AFAP1: variants seen among roughly 807,000 people sequenced by gnomAD.
AFAP1 encodes actin filament-associated protein 1.
AFAP1 carries 75 observed loss-of-function variants against 93.9 expected under a neutral mutation model. The ratio of observed to expected loss-of-function variants is 0.80; its 90% CI spans 0.66 to 0.97. The LOEUF is 0.97. Ranked by LOEUF, AFAP1 falls within the 50% of genes least tolerant of loss-of-function variation. AFAP1 has a pLI of 0.00. For synonymous variants in AFAP1, 517 were observed against 430.7 expected (o/e 1.20, Z -2.48); for missense variants, 1,201 against 1,050.8 (o/e 1.14, Z -1.98).
chr4:7,777,914 GACATCCA>G (rs1716314916), intron 14 of AFAP1: 1 of 152,218 alleles, frequency 6.6e-6, no homozygotes, highest in Admixed American at 6.5e-5. Flanking sequence ...TCCCTGATTA[GACATCCA>G]ACATAATGAG....
intron 6 of AFAP1, among the ~76,000 whole-genome samples, chr4:7,831,579 C>G: frequency 6.6e-6 from 1 of 152,168 alleles, no homozygotes; most frequent in Non-Finnish European, 1.5e-5. Flanking sequence ...TGTTTGTCAG[C>G]GCACTGTCGG....
At chr4:7,797,442 T>G (rs533822267) in intron 10 of AFAP1, among the ~76,000 whole-genome samples, 10 of 152,184 alleles carry the variant, frequency 6.6e-5, no homozygotes, top group Non-Finnish European at 1.0e-4. Context: ...GGCCTCCTGA[T>G]GTAACGCAGC....
Position 7,759,554 on chromosome 4 carries a change from G to T in AFAP1, c.*4211C>A, listed in dbSNP as rs1713487498. 6.6e-6 allele frequency: 1 copy of T among 152,388 alleles called. No homozygotes were observed. The highest frequency in any genetic ancestry group is 2.4e-5 in the African/African-American group (1 of 41,440). 9.4% of individuals were successfully genotyped at this position (152,388 alleles called of 1,614,324 possible). A position where few individuals can be genotyped will look rare whatever the true frequency, so the allele number is the denominator to read the frequency against. ...ACCCAGCCCACCAAGGGGATAAGAAGACAGTGACAACCAGGAAAAAATGAA... is the reference window on the plus strand; with the variant it reads ...ACCCAGCCCACCAAGGGGATAAGAATACAGTGACAACCAGGAAAAAATGAA... On this transcript the variant is annotated 3_prime_UTR_variant, in exon 18 of 18. Coordinates refer to ENST00000420658, the MANE Select transcript of AFAP1 (RefSeq NM_001134647.2).
chr4:7,832,111 G>A (rs1711699140), intron 6 of AFAP1, among the ~76,000 whole-genome samples: 1 of 152,176 alleles, frequency 6.6e-6, no homozygotes, highest in Non-Finnish European at 1.5e-5. Context: ...AATGATGGCA[G>A]AGAAGTCCCT....
rs1455658511 is a variant in AFAP1 at position 7,894,510 on chromosome 4, C to T, written c.-2-22430G>A. ...CATGTCAAGACAAGCCTGGTGACGG[C>T]GGCAACCCCGGGACTCTGTTAGCTA... On this transcript the variant is annotated intron_variant, in intron 1 of 17. Coordinates refer to ENST00000420658, the MANE Select transcript of AFAP1 (RefSeq NM_001134647.2). 2.6e-5 allele frequency among the ~76,000 whole-genome samples: 4 copies of T among 152,142 alleles called. No individual in the cohort carries two copies. In the East Asian group the frequency reaches 5.8e-4, roughly 22 times the overall value.
intron 11 of AFAP1, among the ~76,000 whole-genome samples, chr4:7,787,469 A>G (rs1423928501): frequency 6.6e-6 from 1 of 152,204 alleles, no homozygotes; most frequent in Non-Finnish European, 1.5e-5. Context: ...GATATCCTGG[A>G]CCTGTGACTG....
In AFAP1 at chr4:7,838,593, A is replaced by C; in HGVS notation, c.657T>G (p.Ile219Met). 6.2e-7 allele frequency: 1 copy of C among 1,614,154 alleles called. No individual in the cohort carries two copies. Among genetic ancestry groups the C allele is most frequent in the Non-Finnish European group, 8.5e-7 (1 of 1,180,042 alleles). Residue 219 changes from isoleucine (I) to methionine (M), a missense_variant, in exon 6 of 18, where the codon ATT (isoleucine) becomes ATG (methionine). By Grantham distance (10) the Ile-to-Met change is conservative. Coordinates refer to ENST00000420658, the MANE Select transcript of AFAP1 (RefSeq NM_001134647.2). ...DSKKKKHELKITQQGTDPLVL... is the reference protein window; with the variant it reads ...DSKKKKHELKMTQQGTDPLVL... ...CAAGCGGGTCCGTGCCCTGCTGAGT[A>C]ATCTTCAGCTCGTGCTTCTTCTTTT...
chr4:7,905,864 C>T (rs550617056), intron 1 of AFAP1, among the ~76,000 whole-genome samples: 2 of 152,256 alleles, frequency 1.3e-5, no homozygotes, highest in South Asian at 4.1e-4. Flanking sequence ...TAACATTTAC[C>T]AAACAGCCTG....
chr4:7,781,257 A>G (rs1353226240), intron 13 of AFAP1, 119 bp downstream of exon 13: 5 of 1,322,574 alleles, frequency 3.8e-6, no homozygotes, highest in Non-Finnish European at 5.1e-6. Flanking sequence ...CTAGTTGAGA[A>G]AAAAAAAACA....
chr4:7,868,131 A>G (rs28699608), intron 3 of AFAP1, among the ~76,000 whole-genome samples: 93,356 of 151,646 alleles, frequency 0.62, 29,555 homozygotes, highest in Middle Eastern at 0.75. Flanking sequence ...GCATAAAACT[A>G]AAGTATACAT....
At chr4:7,782,790 A>T (rs1379797405) in intron 12 of AFAP1, among the ~76,000 whole-genome samples, 1 of 152,212 alleles carries the variant, frequency 6.6e-6, no homozygotes, top group Non-Finnish European at 1.5e-5. Flanking sequence ...AAAATTCTGC[A>T]GTAGGAGTGT....
chr4:7,861,093 T>C (rs1433944683), intron 3 of AFAP1, among the ~76,000 whole-genome samples: 1 of 152,226 alleles, frequency 6.6e-6, no homozygotes, highest in Non-Finnish European at 1.5e-5. Context: ...TGGAATCCCT[T>C]TCTGACTTTA....
At chr4:7,880,766 T>C (rs1231684731) in intron 1 of AFAP1, among the ~76,000 whole-genome samples, 7 of 152,180 alleles carry the variant, frequency 4.6e-5, no homozygotes, top group Non-Finnish European at 1.0e-4. Context: ...GCTAAAGCAT[T>C]GTCTGTCTCC....
chr4:7,843,220 T>C lies in AFAP1; in HGVS notation c.465A>G (p.Lys155=). 1 of 1,614,178 alleles carries C rather than the reference T, an allele frequency of 6.2e-7. No homozygotes were observed. Among genetic ancestry groups the C allele is most frequent in the Non-Finnish European group, 8.5e-7 (1 of 1,180,036 alleles). ...TCTTCCGCAGCAGGAAGGCGCAGAT[T>C]TTGGCGTCCTTGACCAGGTCCATGG... is the stretch of plus-strand genomic sequence containing the variant. ...EASMDLVKDA[K]ICAFLLRKKR... Residue 155 remains lysine, a synonymous_variant, in exon 5 of 18, where the codon AAA becomes AAG. Transcript: ENST00000420658.
chr4:7,768,693 G>C lies in AFAP1; in HGVS notation c.2418+151C>G, dbSNP rs563060597. ...AGGATCTGCGGGGTGGTGAGAACTCGATAAGCACCCATTCCCAGATGTCTA... is the reference window on the plus strand; with the variant it reads ...AGGATCTGCGGGGTGGTGAGAACTCCATAAGCACCCATTCCCAGATGTCTA... On this transcript the variant is annotated intron_variant, in intron 17 of 17. Coordinates refer to ENST00000420658, the MANE Select transcript of AFAP1 (RefSeq NM_001134647.2). 1.7e-5 allele frequency: 17 copies of C among 999,376 alleles called. No homozygotes were observed. In the Admixed American group the frequency reaches 3.1e-4, roughly 18 times the overall value. 61.9% of individuals were successfully genotyped at this position (999,376 alleles called of 1,614,324 possible).
chr4:7,915,343 G>C lies in AFAP1; in HGVS notation c.-3+24313C>G, dbSNP rs965489959. 3.9e-5 allele frequency among the ~76,000 whole-genome samples: 6 copies of C among 152,000 alleles called. No homozygotes were observed. In the East Asian group the frequency reaches 1.2e-3, roughly 29 times the overall value. On this transcript the variant is annotated intron_variant, in intron 1 of 17. Coordinates refer to ENST00000420658, the MANE Select transcript of AFAP1 (RefSeq NM_001134647.2). ...TTTTCCACATATTTTTTGGCCATTT[G>C]TACATCTTCTTTCAAGAAACGTCTG...
chr4:7,797,973 G>A (rs2149023269), intron 10 of AFAP1, among the ~76,000 whole-genome samples: 1 of 152,346 alleles, frequency 6.6e-6, no homozygotes, highest in East Asian at 1.9e-4. Flanking sequence ...TGGGTGAAGG[G>A]CGCACAGGCA....
chr4:7,911,409 C>T (rs1719718775), intron 1 of AFAP1, among the ~76,000 whole-genome samples: 1 of 152,216 alleles, frequency 6.6e-6, no homozygotes, highest in African/African-American at 2.4e-5. Context: ...AACACAGGCG[C>T]CCAGTGATAT....
At chr4:7,766,334 T>C (rs1007877903) in intron 17 of AFAP1, among the ~76,000 whole-genome samples, 3 of 152,174 alleles carry the variant, frequency 2.0e-5, no homozygotes, top group Non-Finnish European at 4.4e-5. Flanking sequence ...GGCAGTCCTC[T>C]GTTGTACAGG....
Sources: gnomAD v4.1 joint callset for allele counts (sites outside exome capture counted in the v4.1 genomes callset) on GRCh38, gnomAD v4.1.1 for gene constraint, MANE v1.5 for transcripts, NCBI Gene and HGNC (gene_info 2026-07-23, HGNC 2026-07-21) for gene names.